Variants in DERA observed in about 807,000 individuals in gnomAD.
DERA encodes the protein deoxyribose-phosphate aldolase.
DERA carries 15 observed loss-of-function variants against 41.1 expected under a neutral mutation model. The observed-to-expected ratio is 0.37, with a 90% CI of 0.24 to 0.56. The LOEUF is 0.56. Ranked by LOEUF, DERA falls within the 20% of genes least tolerant of loss-of-function variation. The probability of loss-of-function intolerance (pLI) is 0.81; values close to 1 mark genes in which losing one functional copy is unlikely to be tolerated. For synonymous variants in DERA, 139 were observed against 137.4 expected (o/e 1.01, Z -0.08); for missense variants, 396 against 403.4 (o/e 0.98, Z 0.16).
At chr12:16,024,099 T>C (rs762211311) in intron 6 of DERA, among the ~76,000 whole-genome samples, 33 of 151,966 alleles carry the variant, frequency 2.2e-4, no homozygotes, top group Non-Finnish European at 4.3e-4. Context: ...TAAACTGAAA[T>C]GTGAAGAGAA....
intron 6 of DERA, among the ~76,000 whole-genome samples, chr12:15,986,101 C>G (rs1488534556): frequency 6.6e-6 from 1 of 152,072 alleles, no homozygotes; most frequent in Admixed American, 6.5e-5. Flanking sequence ...TGAAACGTCC[C>G]TTTTTATCTC....
At chr12:16,022,909 T>C (rs1811089019) in intron 6 of DERA, among the ~76,000 whole-genome samples, 1 of 152,194 alleles carries the variant, frequency 6.6e-6, no homozygotes, top group African/African-American at 2.4e-5. Context: ...AGGTCCCTTC[T>C]TGGCTCTGGC....
chr12:15,975,253 A>T (rs1948689127), intron 5 of DERA, among the ~76,000 whole-genome samples: 1 of 150,888 alleles, frequency 6.6e-6, no homozygotes, highest in South Asian at 2.1e-4. Flanking sequence ...GTGAGCCAGG[A>T]GTGCTGAGTG....
intron 5 of DERA, among the ~76,000 whole-genome samples, chr12:15,968,040 C>T (rs1158678255): frequency 1.3e-5 from 2 of 151,474 alleles, no homozygotes; most frequent in Non-Finnish European, 2.9e-5. Context: ...CCACCAGTCC[C>T]ATGTCCTTAT....
intron 1 of DERA, among the ~76,000 whole-genome samples, chr12:15,920,561 G>A (rs544058693): frequency 1.3e-5 from 2 of 152,202 alleles, no homozygotes; most frequent in Non-Finnish European, 2.9e-5. Flanking sequence ...GAAGCTGGGC[G>A]TGGTGGCTCA....
Position 15,992,970 on chromosome 12 carries a change from T to TG in DERA, c.637+10537dup. ...GGTTTGAATTGCCGATGAAGATCTG[T>TG]GGGAAGAGTACTAACACAAAAATAT... is the stretch of plus-strand genomic sequence containing the variant. On this transcript the variant is annotated intron_variant, in intron 6 of 8. Coordinates refer to ENST00000428559, the MANE Select transcript of DERA (RefSeq NM_015954.4). This position sits in a 1 kb window ranked among gnomAD's most constrained non-coding sequence, Gnocchi z 4.3. Among the ~76,000 whole-genome samples, 1 of 152,250 alleles carries TG rather than the reference T, an allele frequency of 6.6e-6. No homozygotes were observed. Among genetic ancestry groups the TG allele is most frequent in the South Asian group, 2.1e-4 (1 of 4,816 alleles).
intron 1 of DERA, among the ~76,000 whole-genome samples, chr12:15,947,510 T>A (rs1011260717): frequency 2.0e-5 from 3 of 152,200 alleles, no homozygotes; most frequent in Non-Finnish European, 4.4e-5. Flanking sequence ...GTCTGTTTTG[T>A]CAGCGAATAG....
Position 16,036,157 on chromosome 12 carries a change from T to C in DERA, c.751-75T>C. 3.1e-6 allele frequency: 4 copies of C among 1,284,384 alleles called. No individual in the cohort carries two copies. Among genetic ancestry groups the C allele is most frequent in the Non-Finnish European group, 4.0e-6 (4 of 990,022 alleles). 79.6% of individuals were successfully genotyped at this position (1,284,384 alleles called of 1,614,324 possible). A position where few individuals can be genotyped will look rare whatever the true frequency, so the allele number is the denominator to read the frequency against. ...AGAGGGAGAGAGAGAATCAAGACTC[T>C]GATAAACATAGTACTATTTTTAAAA... On this transcript the variant is annotated intron_variant, in intron 7 of 8. Coordinates refer to ENST00000428559, the MANE Select transcript of DERA (RefSeq NM_015954.4). This position sits in a 1 kb window ranked among gnomAD's most constrained non-coding sequence, Gnocchi z 4.9.
intron 1 of DERA, among the ~76,000 whole-genome samples, chr12:15,947,381 C>T (rs1948458451): frequency 1.3e-5 from 2 of 152,140 alleles, no homozygotes; most frequent in Admixed American, 6.5e-5. Context: ...CTTTATGAAT[C>T]TGGGTGCTCC....
Position 15,936,958 on chromosome 12 carries a change from GC to G in DERA, c.32-19975del, listed in dbSNP as rs1213505949. On this transcript the variant is annotated intron_variant, in intron 1 of 8. Transcript: ENST00000428559. The surrounding 1 kb of genome is among the most constrained non-coding windows in gnomAD (Gnocchi z 4.6). The stretch of plus-strand genomic sequence containing the variant: ...GTCTTGTCCTGTCCCGTCCTGTCCT[GC>G]CCTGCCCTGCCCTGTCTTGTCTTTC... Among the ~76,000 whole-genome samples, 1 of 145,404 alleles carries G rather than the reference GC, an allele frequency of 6.9e-6. No individual in the cohort carries two copies. Among genetic ancestry groups the G allele is most frequent in the African/African-American group, 2.8e-5 (1 of 35,758 alleles).
At chr12:16,030,485 C>A (rs1287460672) in intron 6 of DERA, among the ~76,000 whole-genome samples, 1 of 152,178 alleles carries the variant, frequency 6.6e-6, no homozygotes, top group Admixed American at 6.5e-5. Flanking sequence ...GTTCTATAGT[C>A]TGTTCATCTA....
chr12:15,912,289 C>T (rs1330186801), intron 1 of DERA, among the ~76,000 whole-genome samples: 1 of 152,080 alleles, frequency 6.6e-6, no homozygotes, highest in Admixed American at 6.5e-5. Flanking sequence ...ATCCATTTAA[C>T]CCTGAGTGGA....
chr12:16,014,748 C>T lies in DERA; in HGVS notation c.638-17794C>T, dbSNP rs961474400. Reference sequence around the variant, plus strand: ...CCCAGAATGGTAGATCCACCAACAGCTTGCACCGTGGGCTTGGAAAAGCCA... The same window carrying T: ...CCCAGAATGGTAGATCCACCAACAGTTTGCACCGTGGGCTTGGAAAAGCCA... On this transcript the variant is annotated intron_variant, in intron 6 of 8. Transcript: ENST00000428559. This position sits in a 1 kb window ranked among gnomAD's most constrained non-coding sequence, Gnocchi z 5.4. Among the ~76,000 whole-genome samples, 1 of 152,180 alleles carries T rather than the reference C, an allele frequency of 6.6e-6. No homozygotes were observed. Among genetic ancestry groups the T allele is most frequent in the African/African-American group, 2.4e-5 (1 of 41,452 alleles).
rs559203732 is a variant in DERA at position 15,940,646 on chromosome 12, C to T, written c.32-16290C>T. Among the ~76,000 whole-genome samples, 4 of 152,238 alleles carry T rather than the reference C, an allele frequency of 2.6e-5. No homozygotes were observed. Among genetic ancestry groups the T allele is most frequent in the South Asian group, 4.1e-4 (2 of 4,826 alleles). On this transcript the variant is annotated intron_variant, in intron 1 of 8. Coordinates refer to ENST00000428559, the MANE Select transcript of DERA (RefSeq NM_015954.4). The surrounding 1 kb of genome is among the most constrained non-coding windows in gnomAD (Gnocchi z 5.1). ...GATTACAGGCGTGAGCCACCGCATC[C>T]GGCCTGCTTTACTTCTTACACATTC... is the stretch of plus-strand genomic sequence containing the variant.
Position 15,911,516 on chromosome 12 carries a change from C to A in DERA, c.31+102C>A. 8.2e-7 allele frequency: 1 copy of A among 1,214,322 alleles called. No homozygotes were observed. The highest frequency in any genetic ancestry group is 1.6e-5 in the South Asian group (1 of 63,570). The allele number at this position is 1,214,322 out of a possible 1,614,324, so 75.2% of individuals were successfully genotyped here. A position where few individuals can be genotyped will look rare whatever the true frequency, so the allele number is the denominator to read the frequency against. On this transcript the variant is annotated intron_variant, in intron 1 of 8. Coordinates refer to ENST00000428559, the MANE Select transcript of DERA (RefSeq NM_015954.4). The surrounding 1 kb of genome is among the most constrained non-coding windows in gnomAD (Gnocchi z 4.5). Reference sequence around the variant, plus strand: ...GCCCAGTGCCCTGGCTGTGGGTCCCCGAGGGGTTTTCGCTGGGGCGGGAAG... The same window carrying A: ...GCCCAGTGCCCTGGCTGTGGGTCCCAGAGGGGTTTTCGCTGGGGCGGGAAG...
chr12:15,978,127 G>A (rs1354739172), intron 5 of DERA, among the ~76,000 whole-genome samples: 2 of 152,158 alleles, frequency 1.3e-5, no homozygotes, highest in African/African-American at 4.8e-5. Flanking sequence ...CATAATTTGA[G>A]ATTGACTGGG....
At chr12:15,934,406 G>A (rs917849127) in intron 1 of DERA, among the ~76,000 whole-genome samples, 3 of 152,150 alleles carry the variant, frequency 2.0e-5, no homozygotes, top group South Asian at 2.1e-4. Flanking sequence ...CTAACACGGC[G>A]AAACCCCGTC....
intron 4 of DERA, among the ~76,000 whole-genome samples, chr12:15,962,057 T>C (rs992751918): frequency 1.3e-5 from 2 of 152,234 alleles, no homozygotes; most frequent in African/African-American, 4.8e-5. Context: ...AGGAATTTAA[T>C]ATCAAGGTAA....
At position 15,993,769 on chromosome 12, in the gene DERA, C is replaced by G. The variant is rs1948818073; in HGVS notation, c.637+11333C>G. ...GCAAAAATTTTATAAAGTTTACCCC[C>G]ACCTGGCCCCTCGCTATCCTTTGTT... On this transcript the variant is annotated intron_variant, in intron 6 of 8. Coordinates refer to ENST00000428559, the MANE Select transcript of DERA (RefSeq NM_015954.4). The surrounding 1 kb of genome is among the most constrained non-coding windows in gnomAD (Gnocchi z 4.4). 6.6e-6 allele frequency among the ~76,000 whole-genome samples: 1 copy of G among 152,068 alleles called. No homozygotes were observed. Among genetic ancestry groups the G allele is most frequent in the Non-Finnish European group, 1.5e-5 (1 of 68,010 alleles).
Sources: gnomAD v4.1 joint callset for allele counts (sites outside exome capture counted in the v4.1 genomes callset) on GRCh38, gnomAD v4.1.1 for gene constraint, Gnocchi (gnomAD v3.1) non-coding constraint, MANE v1.5 for transcripts, NCBI Gene and HGNC (gene_info 2026-07-23, HGNC 2026-07-21) for gene names.